Variants in DSE observed in about 807,000 individuals in gnomAD.
DSE encodes the protein dermatan sulfate epimerase.
DSE carries 36 observed loss-of-function variants against 84.4 expected under a neutral mutation model. That is an observed-to-expected ratio of 0.43 (90% CI 0.33 to 0.56). The LOEUF (loss-of-function observed/expected upper bound fraction) is 0.56, where lower values mean the gene tolerates loss of function less well. Among genes scored for constraint, DSE ranks in the 20% least tolerant of loss-of-function variants. The pLI is 0.06. For missense variants in DSE, 862 were observed against 1,169.6 expected (o/e 0.74, Z 3.84); for synonymous variants, 410 against 430.1 (o/e 0.95, Z 0.58).
intron 2 of DSE, among the ~76,000 whole-genome samples, chr6:116,402,432 T>C (rs1383977934): frequency 6.6e-6 from 1 of 152,194 alleles, no homozygotes; most frequent in African/African-American, 2.4e-5. Flanking sequence ...TCCTGATGTA[T>C]AATGTGGCAG....
chr6:116,319,759 T>G (rs1776194099), intron 2 of DSE, among the ~76,000 whole-genome samples: 1 of 152,168 alleles, frequency 6.6e-6, no homozygotes, highest in Non-Finnish European at 1.5e-5. Context: ...AACTTCATCT[T>G]TTGATTCTTC....
At chr6:116,279,711 G>A in intron 2 of DSE, 1 of 1,611,216 alleles carries the variant, frequency 6.2e-7, no homozygotes. Context: ...GTGTCGCCTC[G>A]CTTTGGTCGC....
At chr6:116,355,612 A>G (rs1257239716) in intron 2 of DSE, 1 of 152,236 alleles carries the variant, frequency 6.6e-6, no homozygotes, top group Non-Finnish European at 1.5e-5. Context: ...TGTCAGTAAA[A>G]TAAAAGCATT....
rs1393159005 is a variant in DSE, at chr6:116,443,008, A to C, written c.*5663A>C. 6.6e-6 allele frequency: 1 copy of C among 152,224 alleles called. No individual in the cohort carries two copies. The highest frequency in any genetic ancestry group is 1.5e-5 in the Non-Finnish European group (1 of 68,046). The allele number at this position is 152,224 out of a possible 1,614,324, so 9.4% of individuals were successfully genotyped here. A position where few individuals can be genotyped will look rare whatever the true frequency, so the allele number is the denominator to read the frequency against. ...TACCCTCTGCTTAGAAATCGCTGCA[A>C]GCAATGGCAAGCCATTAAAGAATTT... On this transcript the variant is annotated 3_prime_UTR_variant, in exon 6 of 6. Transcript: ENST00000644252.
intron 2 of DSE, among the ~76,000 whole-genome samples, chr6:116,260,280 G>A (rs2114594944): frequency 6.6e-6 from 1 of 152,066 alleles, no homozygotes. Context: ...CTGCATGTAT[G>A]TCTTTCTTAG....
intron 2 of DSE, among the ~76,000 whole-genome samples, chr6:116,292,305 C>G (rs1774332453): frequency 6.6e-6 from 1 of 151,794 alleles, no homozygotes; most frequent in Admixed American, 6.6e-5. Flanking sequence ...TTTCAGTATG[C>G]AAGGGAAGAA....
intron 2 of DSE, chr6:116,277,066 CTG>C (rs1773175364): frequency 6.6e-6 from 1 of 152,220 alleles, no homozygotes; most frequent in Non-Finnish European, 1.5e-5. Flanking sequence ...GCAAGTAAGA[CTG>C]TTGTTCTTCC....
chr6:116,299,085 T>A (rs1180043938), intron 2 of DSE, among the ~76,000 whole-genome samples: 1 of 152,176 alleles, frequency 6.6e-6, no homozygotes, highest in Non-Finnish European at 1.5e-5. Flanking sequence ...TTTTCTATTC[T>A]CAGGATGTTA....
At chr6:116,266,170 A>G (rs1772617888) in intron 2 of DSE, among the ~76,000 whole-genome samples, 1 of 152,172 alleles carries the variant, frequency 6.6e-6, no homozygotes, top group African/African-American at 2.4e-5. Flanking sequence ...ATGACTATCC[A>G]TGATATAATC....
intron 1 of DSE, among the ~76,000 whole-genome samples, chr6:116,386,875 AGTAGATCCTTGAACATT>A (rs1327677774): frequency 6.6e-6 from 1 of 152,234 alleles, no homozygotes; most frequent in Non-Finnish European, 1.5e-5. Flanking sequence ...CATTTAACAT[AGTAGATCCTTGAACATT>A]GTATTAGTGC....
chr6:116,283,791 G>A (rs1301631272), intron 2 of DSE, among the ~76,000 whole-genome samples: 4 of 152,088 alleles, frequency 2.6e-5, no homozygotes, highest in Non-Finnish European at 4.4e-5. Context: ...TGATCCGCCC[G>A]CCTCAGCCTC....
At chr6:116,330,292 C>T (rs1776862228) in intron 2 of DSE, among the ~76,000 whole-genome samples, 1 of 152,118 alleles carries the variant, frequency 6.6e-6, no homozygotes, top group Non-Finnish European at 1.5e-5. Context: ...TGTTTCATTT[C>T]AAAATTATTA....
At chr6:116,300,797 A>G (rs544970737) in intron 2 of DSE, among the ~76,000 whole-genome samples, 5 of 152,344 alleles carry the variant, frequency 3.3e-5, no homozygotes, top group African/African-American at 9.6e-5. Context: ...CTGTTCAACA[A>G]TGAATTCCAG....
intron 3 of DSE, among the ~76,000 whole-genome samples, chr6:116,429,813 G>A (rs1183710329): frequency 6.0e-5 from 4 of 66,654 alleles, no homozygotes; most frequent in Non-Finnish European, 1.2e-4. Flanking sequence ...TTAGCCGGGC[G>A]TGATGGCGGG....
At chr6:116,296,095 A>G (rs560358635) in intron 2 of DSE, among the ~76,000 whole-genome samples, 1 of 152,260 alleles carries the variant, frequency 6.6e-6, no homozygotes, top group African/African-American at 2.4e-5. Context: ...CTTGGTATCC[A>G]GGGGAATTGG....
intron 2 of DSE, among the ~76,000 whole-genome samples, chr6:116,296,405 A>G (rs571551974): frequency 6.6e-6 from 1 of 152,342 alleles, no homozygotes; most frequent in African/African-American, 2.4e-5. Flanking sequence ...TGAACAAGAC[A>G]TGCTAAATCC....
At chr6:116,376,209 C>T (rs1397633893) in intron 1 of DSE, among the ~76,000 whole-genome samples, 1 of 152,182 alleles carries the variant, frequency 6.6e-6, no homozygotes, top group South Asian at 2.1e-4. Flanking sequence ...CTCTCTATCT[C>T]TTCTCATGCC....
At position 116,436,276 on chromosome 6, in the gene DSE, A is replaced by C. The variant is rs777571687; in HGVS notation, c.1808A>C (p.His603Pro). The change falls in exon 6 of 6, where the codon CAT (histidine) becomes CCT (proline). Residue 603 changes from histidine to proline, a missense_variant. Transcript: ENST00000644252. ...PFEETVVDGV[H>P]GAFIRQRDGL... ...GAGGAGACTGTGGTAGATGGTGTCC[A>C]TGGGGCTTTCATCAGGCAGAGAGAT... The C allele has an allele frequency of 5.6e-6, 9 of 1,614,146 alleles. No individual in the cohort carries two copies. Among genetic ancestry groups the C allele is most frequent in the Non-Finnish European group, 7.6e-6 (9 of 1,180,020 alleles).
At chr6:116,350,388 A>G (rs564451639) in intron 2 of DSE, among the ~76,000 whole-genome samples, 1 of 152,300 alleles carries the variant, frequency 6.6e-6, no homozygotes, top group East Asian at 1.9e-4. Context: ...GCATGATTAT[A>G]TGAGAACTCT....
Sources: gnomAD v4.1 joint callset for allele counts (sites outside exome capture counted in the v4.1 genomes callset) on GRCh38, gnomAD v4.1.1 for gene constraint, MANE v1.5 for transcripts, NCBI Gene and HGNC (gene_info 2026-07-23, HGNC 2026-07-21) for gene names.